The following ANKRD50 variants were observed in gnomAD, a reference collection of about 807,000 sequenced individuals.
The protein encoded by ANKRD50 is ankyrin repeat domain 50.
Under a neutral mutation model 112.0 loss-of-function variants are expected in ANKRD50, and 40 were observed. That is an observed-to-expected ratio of 0.36 (90% confidence interval 0.28 to 0.46). The LOEUF is 0.46. Ranked by LOEUF, ANKRD50 falls within the 20% of genes least tolerant of loss-of-function variation. The probability of loss-of-function intolerance (pLI) is 1.00; values close to 1 mark genes in which losing one functional copy is unlikely to be tolerated. For missense variants in ANKRD50, 1,487 were observed against 1,701.7 expected (o/e 0.87, Z 2.22); for synonymous variants, 613 against 619.1 (o/e 0.99, Z 0.15).
chr4:124,670,380 A>G lies in ANKRD50; in HGVS notation c.2897T>C (p.Leu966Ser). ...ENQLTMAEYFLENGANVEASD... is the reference protein window; with the variant it reads ...ENQLTMAEYFSENGANVEASD... Reference sequence around the variant, plus strand: ...TGCTTCTACGTTTGCACCATTTTCTAAAAAATATTCGGCCATTGTAAGCTG... The same window carrying G: ...TGCTTCTACGTTTGCACCATTTTCTGAAAAATATTCGGCCATTGTAAGCTG... Residue 966 changes from leucine to serine, a missense_variant, in exon 4 of 5, where the codon TTA (leucine) becomes TCA (serine). By Grantham distance (145) the Leu-to-Ser change is moderately radical. This residue lies in a region of ANKRD50 where 1,046 missense variants were observed against 1,269.5 expected (regional missense o/e 0.82). Transcript: ENST00000504087. The G allele has an allele frequency of 1.2e-6, 2 of 1,613,846 alleles. No homozygotes were observed. The highest frequency in any genetic ancestry group is 1.3e-5 in the African/African-American group (1 of 74,990).
intron 3 of ANKRD50, among the ~76,000 whole-genome samples, chr4:124,676,660 G>A (rs926817240): frequency 6.6e-6 from 1 of 151,492 alleles, no homozygotes; most frequent in Non-Finnish European, 1.5e-5. Flanking sequence ...TAGTGTATAT[G>A]GGCAAAATCA....
chr4:124,677,816 T>C (rs969891238), intron 3 of ANKRD50, among the ~76,000 whole-genome samples: 1 of 151,834 alleles, frequency 6.6e-6, no homozygotes, highest in African/African-American at 2.4e-5. Context: ...ATAATACTGG[T>C]TTTCTCTAAT....
Position 124,666,544 on chromosome 4 carries a change from G to A in ANKRD50, c.*974C>T, listed in dbSNP as rs1298437684. 1 of 152,272 alleles carries A rather than the reference G, an allele frequency of 6.6e-6. No homozygotes were observed. Among genetic ancestry groups the A allele is most frequent in the Admixed American group, 6.6e-5 (1 of 15,222 alleles). 9.4% of individuals were successfully genotyped at this position (152,272 alleles called of 1,614,324 possible). On this transcript the variant is annotated 3_prime_UTR_variant, in exon 5 of 5. Transcript: ENST00000504087. ...AGCAATTTACAAAATAGAAACCGCT[G>A]AGAGAGAAGCCAGCAAAATTAATTT...
Position 124,678,905 on chromosome 4 carries a change from C to T in ANKRD50, c.513G>A (p.Arg171=), listed in dbSNP as rs138719403. 1.1e-5 allele frequency: 18 copies of T among 1,594,966 alleles called. No individual in the cohort carries two copies. The African/African-American group carries it at 1.9e-4, about 17-fold the overall frequency. ...TTCCCAGAAGAGGGAGTAGAACACACCTGTAAAACACATACACATGAGCAT... is the reference window on the plus strand; with the variant it reads ...TTCCCAGAAGAGGGAGTAGAACACATCTGTAAAACACATACACATGAGCAT... ...CERNPAEAFK[R]CVLLPLLGMK... Residue 171 remains arginine, a splice_region_variant and synonymous_variant, in exon 3 of 5, where the codon AGG becomes AGA. Transcript: ENST00000504087.
chr4:124,668,404 T>C (rs2110505651), intron 4 of ANKRD50, among the ~76,000 whole-genome samples: 1 of 152,130 alleles, frequency 6.6e-6, no homozygotes, highest in South Asian at 2.1e-4. Flanking sequence ...TCTTTCTGAG[T>C]GAAAAGGAAT....
rs1404363842 is a variant in ANKRD50, at chr4:124,670,903, C to T, written c.2374G>A (p.Gly792Ser). ...RTPLLAAASMGHASVVNTLLF... is the reference protein window; with the variant it reads ...RTPLLAAASMSHASVVNTLLF... Reference sequence around the variant, plus strand: ...AGTGTATTTACAACTGATGCATGACCCATAGACGCTGCTGCTAAGAGGGGT... The same window carrying T: ...AGTGTATTTACAACTGATGCATGACTCATAGACGCTGCTGCTAAGAGGGGT... The change falls in exon 4 of 5, where the codon GGT becomes AGT. Residue 792 changes from glycine (G) to serine (S), a missense_variant. Coordinates refer to ENST00000504087, the MANE Select transcript of ANKRD50 (RefSeq NM_020337.3). The T allele has an allele frequency of 3.1e-6, 5 of 1,613,782 alleles. No individual in the cohort carries two copies. The highest frequency in any genetic ancestry group is 1.7e-4 in the Middle Eastern group (1 of 6,056).
rs1730445709 is a variant in ANKRD50 at position 124,664,592 on chromosome 4, A to G, written c.*2926T>C. 1 of 152,452 alleles carries G rather than the reference A, an allele frequency of 6.6e-6. No individual in the cohort carries two copies. The highest frequency in any genetic ancestry group is 2.4e-5 in the African/African-American group (1 of 41,434). The allele number at this position is 152,452 out of a possible 1,614,324, so 9.4% of individuals were successfully genotyped here. ...ACTTTTACAATGTGAAATTCAATGTACATTTTTGGCTATTTACATACCTCA... is the reference window on the plus strand; with the variant it reads ...ACTTTTACAATGTGAAATTCAATGTGCATTTTTGGCTATTTACATACCTCA... On this transcript the variant is annotated 3_prime_UTR_variant, in exon 5 of 5. Coordinates refer to ENST00000504087, the MANE Select transcript of ANKRD50 (RefSeq NM_020337.3).
intron 2 of ANKRD50, among the ~76,000 whole-genome samples, chr4:124,702,255 T>C (rs1244924258): frequency 6.6e-6 from 1 of 152,176 alleles, no homozygotes; most frequent in Non-Finnish European, 1.5e-5. Context: ...GAAAACACTG[T>C]TTTACTATGG....
intron 2 of ANKRD50, among the ~76,000 whole-genome samples, chr4:124,691,798 A>G (rs534114830): frequency 1.1e-4 from 16 of 152,250 alleles, no homozygotes; most frequent in African/African-American, 3.4e-4. Flanking sequence ...TCCTAAAATT[A>G]GAGCAGAAGA....
chr4:124,678,617 TA>T, intron 3 of ANKRD50, 58 bp downstream of exon 3: 1 of 1,481,866 alleles, frequency 6.7e-7, no homozygotes, highest in Non-Finnish European at 9.3e-7. Flanking sequence ...CTTTTTCCTC[TA>T]AGAAACTAGT....
chr4:124,706,414 CTTAA>C (rs1262207906), intron 2 of ANKRD50, among the ~76,000 whole-genome samples: 8 of 152,136 alleles, frequency 5.3e-5, no homozygotes, highest in Admixed American at 3.9e-4. Flanking sequence ...TTCACTCTTC[CTTAA>C]TTATTATGAA....
intron 2 of ANKRD50, among the ~76,000 whole-genome samples, chr4:124,684,733 A>G (rs1332093844): frequency 6.6e-6 from 1 of 152,216 alleles, no homozygotes; most frequent in Non-Finnish European, 1.5e-5. Flanking sequence ...TTCAAAATAC[A>G]TAGAGCTTTT....
intron 4 of ANKRD50, 84 bp from the exon 5 acceptor site, chr4:124,667,598 A>G (rs1446926507): frequency 6.6e-6 from 1 of 152,036 alleles, no homozygotes. Flanking sequence ...TAATACATTT[A>G]CCTCTATATA....
chr4:124,707,777 T>TA (rs1202290557), intron 2 of ANKRD50, among the ~76,000 whole-genome samples: 3 of 152,158 alleles, frequency 2.0e-5, no homozygotes, highest in Admixed American at 6.5e-5. Context: ...TACACACAGC[T>TA]CTAATTGCTT....
intron 2 of ANKRD50, among the ~76,000 whole-genome samples, chr4:124,693,612 A>G: frequency 6.6e-6 from 1 of 152,116 alleles, no homozygotes; most frequent in East Asian, 1.9e-4. Context: ...TTTAAACAAA[A>G]ATATCCTCCA....
intron 2 of ANKRD50, among the ~76,000 whole-genome samples, chr4:124,683,775 T>C (rs1724944095): frequency 6.8e-6 from 1 of 147,924 alleles, no homozygotes; most frequent in South Asian, 2.1e-4. Flanking sequence ...AAAAAAAAAA[T>C]TGTTTGTTGT....
In ANKRD50 at chr4:124,710,352, C is replaced by T; in HGVS notation, c.160G>A (p.Val54Ile). 6.2e-7 allele frequency: 1 copy of T among 1,614,172 alleles called. No individual in the cohort carries two copies. Among genetic ancestry groups the T allele is most frequent in the Non-Finnish European group, 8.5e-7 (1 of 1,180,044 alleles). The change falls in exon 2 of 5, where the codon GTA (valine) becomes ATA (isoleucine). Residue 54 changes from valine (V) to isoleucine (I), a missense_variant. By Grantham distance (29) the Val-to-Ile change is conservative. Coordinates refer to ENST00000504087, the MANE Select transcript of ANKRD50 (RefSeq NM_020337.3). Reference protein sequence around the residue: ...CNSAVNAPSLVMNSGNNASGV... With the variant: ...CNSAVNAPSLIMNSGNNASGV... ...CTAGCATTATTCCCAGAATTCATTA[C>T]AAGTGATGGTGCATTGACAGCACTA...
intron 2 of ANKRD50, among the ~76,000 whole-genome samples, chr4:124,695,935 G>T (rs1281024631): frequency 6.6e-6 from 1 of 151,908 alleles, no homozygotes; most frequent in Non-Finnish European, 1.5e-5. Flanking sequence ...AGCCTTTTCT[G>T]ATAAAAGACA....
Position 124,710,501 on chromosome 4 carries a change from G to A in ANKRD50, c.11C>T (p.Pro4Leu), listed in dbSNP as rs773313994. The part of the protein sequence containing the change: MTN[P>L]WEEKVCKMAQ... Reference sequence around the variant, plus strand: ...CATTTTGCAGACTTTCTCTTCCCAAGGATTAGTCATAACGGGTTTTTTATC... The same window carrying A: ...CATTTTGCAGACTTTCTCTTCCCAAAGATTAGTCATAACGGGTTTTTTATC... Residue 4 changes from proline (P) to leucine (L), a missense_variant, in exon 2 of 5, where the codon CCT becomes CTT. Physicochemically the swap from Pro to Leu is moderately conservative, Grantham distance 98. Around this residue, in one of 2 missense-constraint regions of ANKRD50, gnomAD observed 1,046 missense variants for 1,269.5 expected, o/e 0.82. Coordinates refer to ENST00000504087, the MANE Select transcript of ANKRD50 (RefSeq NM_020337.3). 1.1e-5 allele frequency: 18 copies of A among 1,610,920 alleles called. No individual in the cohort carries two copies. The African/African-American group carries it at 2.4e-4, about 21-fold the overall frequency.
Sources: gnomAD v4.1 joint callset for allele counts (sites outside exome capture counted in the v4.1 genomes callset) on GRCh38, gnomAD v4.1.1 for gene constraint, gnomAD v4.1.1 regional missense constraint, MANE v1.5 for transcripts, NCBI Gene and HGNC (gene_info 2026-07-23, HGNC 2026-07-21) for gene names.